Variants in UNC13C observed in about 807,000 individuals in gnomAD.
UNC13C encodes protein unc-13 homolog C.
UNC13C carries 174 observed loss-of-function variants against 245.4 expected under a neutral mutation model. That is an observed-to-expected ratio of 0.71 (90% CI 0.63 to 0.80). The LOEUF (loss-of-function observed/expected upper bound fraction) is 0.80, where lower values mean the gene tolerates loss of function less well. Among genes scored for constraint, UNC13C ranks in the 30% least tolerant of loss-of-function variants. UNC13C has a pLI of 0.00. For synonymous variants in UNC13C, 992 were observed against 895.1 expected, an observed-to-expected ratio of 1.11 and a Z score of -1.93; for missense variants, 2,829 against 2,602.9, an observed-to-expected ratio of 1.09 and a Z score of -1.89.
chr15:54,355,935 A>G (rs1455430892), intron 17 of UNC13C, among the ~76,000 whole-genome samples: 1 of 152,222 alleles, frequency 6.6e-6, no homozygotes, highest in African/African-American at 2.4e-5. Flanking sequence ...ATATGAAGAC[A>G]CGTACACATA....
chr15:54,503,032 T>A (rs1355856337), intron 22 of UNC13C, among the ~76,000 whole-genome samples: 1 of 142,646 alleles, frequency 7.0e-6, no homozygotes, highest in Non-Finnish European at 1.5e-5. Context: ...ACAAGGAAGG[T>A]CATATTAGAA....
chr15:54,230,182 G>A (rs2035510864), intron 4 of UNC13C, among the ~76,000 whole-genome samples: 1 of 144,996 alleles, frequency 6.9e-6, no homozygotes, highest in South Asian at 2.2e-4. Flanking sequence ...TTCCACAATG[G>A]CTGTATTAAT....
Position 54,311,015 on chromosome 15 carries a change from A to T in UNC13C, c.4268+10642A>T, listed in dbSNP as rs928547368. ...TTAGAGTCATGAAAAGGCAAGTTCAACATAGACTATTGTTTTGGTACTAGG... is the reference window on the plus strand; with the variant it reads ...TTAGAGTCATGAAAAGGCAAGTTCATCATAGACTATTGTTTTGGTACTAGG... On this transcript the variant is annotated intron_variant, in intron 13 of 32. Transcript: ENST00000260323. Among the ~76,000 whole-genome samples the T allele has an allele frequency of 4.0e-5, 6 of 151,896 alleles. No homozygotes were observed. The South Asian group carries it at 1.2e-3, about 31-fold the overall frequency.
chr15:54,457,893 T>G (rs1042230437), intron 19 of UNC13C, among the ~76,000 whole-genome samples: 2 of 24,530 alleles, frequency 8.2e-5, no homozygotes, highest in African/African-American at 1.6e-4. Context: ...CTGCTTTTCG[T>G]TTTTTTTTTT....
chr15:53,911,250 A>C, the UNC13C span: 1 of 152,240 alleles, frequency 6.6e-6, no homozygotes, highest in Admixed American at 6.5e-5. Context: ...CAAGCAGGGC[A>C]CTTAGAGGCC....
chr15:53,842,330 A>G, the UNC13C span, among the ~76,000 whole-genome samples: 1 of 152,222 alleles, frequency 6.6e-6, no homozygotes, highest in African/African-American at 2.4e-5. Context: ...GATATAAAGT[A>G]TCATTGTAGA....
intron 26 of UNC13C, among the ~76,000 whole-genome samples, chr15:54,537,839 A>G (rs1380083297): frequency 2.0e-5 from 3 of 152,082 alleles, no homozygotes; most frequent in Non-Finnish European, 4.4e-5. Flanking sequence ...AAATCAACTC[A>G]AGATGGATTA....
chr15:54,572,702 A>G (rs2141224984), intron 30 of UNC13C, among the ~76,000 whole-genome samples: 1 of 152,220 alleles, frequency 6.6e-6, no homozygotes, highest in Admixed American at 6.5e-5. Context: ...CTGGGATTAC[A>G]GGTGTGAGCT....
Position 54,183,615 on chromosome 15 carries a change from C to T in UNC13C, c.3071+39931C>T, listed in dbSNP as rs188818925. On this transcript the variant is annotated intron_variant, in intron 4 of 32. Coordinates refer to ENST00000260323, the MANE Select transcript of UNC13C (RefSeq NM_001080534.3). ...CCAAAAGAAATTTACTCACATAGGG[C>T]ATTTATAGAACTGAAGGACCATGGA... 5.3e-5 allele frequency among the ~76,000 whole-genome samples: 8 copies of T among 151,896 alleles called. No homozygotes were observed. The East Asian group carries it at 1.5e-3, about 29-fold the overall frequency.
intron 2 of UNC13C, among the ~76,000 whole-genome samples, chr15:54,068,608 A>G (rs771574153): frequency 5.3e-5 from 8 of 152,160 alleles, no homozygotes; most frequent in Non-Finnish European, 1.0e-4. Context: ...AAACACTGCT[A>G]AAGGAGAATG....
intron 19 of UNC13C, among the ~76,000 whole-genome samples, chr15:54,429,875 T>C (rs898930663): frequency 1.3e-5 from 2 of 151,660 alleles, no homozygotes; most frequent in African/African-American, 4.8e-5. Flanking sequence ...GTGGATAAAA[T>C]GTAAGTGATT....
chr15:54,516,032 A>G (rs1188971855), intron 24 of UNC13C, among the ~76,000 whole-genome samples: 1 of 152,192 alleles, frequency 6.6e-6, no homozygotes, highest in African/African-American at 2.4e-5. Flanking sequence ...AGAGATGTAT[A>G]TCTATGTCGC....
At chr15:54,321,758 C>A (rs1055351215) in intron 13 of UNC13C, among the ~76,000 whole-genome samples, 181 bp from the exon 14 acceptor site, 1 of 151,976 alleles carries the variant, frequency 6.6e-6, no homozygotes, top group Non-Finnish European at 1.5e-5. Flanking sequence ...AGGCACTTTA[C>A]ATTTGTGAAT....
rs796238601 is a variant in UNC13C at position 54,173,241 on chromosome 15, A to G, written c.3071+29557A>G. On this transcript the variant is annotated intron_variant, in intron 4 of 32. Coordinates refer to ENST00000260323, the MANE Select transcript of UNC13C (RefSeq NM_001080534.3). ...TTGAAGTCCCATATAAATTTTTACA[A>G]GGTCTACTAAAAACAACCTGCTGGG... Among the ~76,000 whole-genome samples, 5 of 152,160 alleles carry G rather than the reference A, an allele frequency of 3.3e-5. No homozygotes were observed. In the East Asian group the frequency reaches 5.8e-4, roughly 18 times the overall value.
chr15:54,055,673 A>G (rs1331182605), intron 2 of UNC13C, among the ~76,000 whole-genome samples: 1 of 152,184 alleles, frequency 6.6e-6, no homozygotes, highest in East Asian at 1.9e-4. Context: ...TCAAGATTTC[A>G]AAGACATCTT....
At chr15:54,525,007 A>T (rs1237563052) in intron 24 of UNC13C, among the ~76,000 whole-genome samples, 1 of 152,146 alleles carries the variant, frequency 6.6e-6, no homozygotes, top group Non-Finnish European at 1.5e-5. Context: ...CTCCAGAAAA[A>T]CATGGGCGTG....
chr15:54,583,629 G>A (rs987779469), intron 30 of UNC13C, among the ~76,000 whole-genome samples: 2 of 152,162 alleles, frequency 1.3e-5, no homozygotes, highest in Non-Finnish European at 2.9e-5. Context: ...TAAAAGCCAG[G>A]TTTTGTTGGA....
chr15:54,076,050 C>T (rs1296503161), intron 2 of UNC13C, among the ~76,000 whole-genome samples: 1 of 128,904 alleles, frequency 7.8e-6, no homozygotes, highest in African/African-American at 2.9e-5. Context: ...CTTTCTGCTC[C>T]TTCACTTAGA....
intron 29 of UNC13C, among the ~76,000 whole-genome samples, chr15:54,566,549 A>T: frequency 6.6e-6 from 1 of 152,008 alleles, no homozygotes; most frequent in East Asian, 1.9e-4. Flanking sequence ...ATTTCAAAGG[A>T]CCATAGGTTT....
Sources: allele counts gnomAD v4.1 joint callset (sites outside exome capture counted in the v4.1 genomes callset), GRCh38; gene constraint gnomAD v4.1.1; transcripts MANE v1.5; gene names NCBI Gene and HGNC (gene_info 2026-07-23, HGNC 2026-07-21).